The following FGGY variants were observed in gnomAD, a reference collection of about 807,000 sequenced individuals.
FGGY encodes FGGY carbohydrate kinase domain containing, also known as FGGY carbohydrate kinase domain-containing protein.
Under a neutral mutation model 71.3 loss-of-function variants are expected in FGGY, and 72 were observed. The ratio of observed to expected loss-of-function variants is 1.01; its 90% CI spans 0.84 to 1.23. FGGY has a LOEUF of 1.23. FGGY is among the 50% of genes most tolerant of loss of function. The pLI, the probability that FGGY is intolerant of heterozygous loss-of-function variation, is 0.00. For missense variants in FGGY, 668 were observed against 682.3 expected (o/e 0.98, Z 0.23); for synonymous variants, 251 against 250.3 (o/e 1.00, Z -0.02).
Position 59,346,293 on chromosome 1 carries a change from C to T in FGGY, c.360C>T (p.Val120=). 6.2e-7 allele frequency: 1 copy of T among 1,612,684 alleles called. No individual in the cohort carries two copies. The highest frequency in any genetic ancestry group is 8.5e-7 in the Non-Finnish European group (1 of 1,179,756). ...TCATGTGGCTGGACCATCGAGCAGT[C>T]AGTCAAGTTAACAGGATCAATGAGA... is the stretch of plus-strand genomic sequence containing the variant. The part of the protein sequence containing the change: ...NVIMWLDHRA[V]SQVNRINETK... The change falls in exon 4 of 16, where the codon GTC becomes GTT. Residue 120 remains valine, a synonymous_variant. Coordinates refer to ENST00000303721, the MANE Select transcript of FGGY (RefSeq NM_018291.5).
At chr1:59,457,436 C>T (rs2091818773) in intron 6 of FGGY, among the ~76,000 whole-genome samples, 1 of 152,110 alleles carries the variant, frequency 6.6e-6, no homozygotes, top group South Asian at 2.1e-4. Context: ...ATGGTAAAAC[C>T]CCATTTCTAC....
chr1:59,521,416 C>T (rs764044728), intron 7 of FGGY, among the ~76,000 whole-genome samples: 2 of 152,264 alleles, frequency 1.3e-5, no homozygotes, highest in Non-Finnish European at 2.9e-5. Context: ...CAGACTTTGA[C>T]TCTGTGGAAG....
At chr1:59,388,868 ACTAT>A (rs1232216714) in intron 5 of FGGY, among the ~76,000 whole-genome samples, 4 of 152,184 alleles carry the variant, frequency 2.6e-5, no homozygotes, top group South Asian at 4.1e-4. Flanking sequence ...AGTCATTACC[ACTAT>A]CTATTTCTAA....
In FGGY at chr1:59,541,937, G is replaced by T. The variant is rs529870073; in HGVS notation, c.800-12187G>T. 7.9e-5 allele frequency among the ~76,000 whole-genome samples: 12 copies of T among 152,280 alleles called. No homozygotes were observed. The South Asian group carries it at 1.5e-3, about 18-fold the overall frequency. On this transcript the variant is annotated intron_variant, in intron 7 of 15. Transcript: ENST00000303721. Reference sequence around the variant, plus strand: ...CAAAATGGGCATCATCATAGCAGTTGTAAGAATTAAATAAGTTAATTTACC... The same window carrying T: ...CAAAATGGGCATCATCATAGCAGTTTTAAGAATTAAATAAGTTAATTTACC...
chr1:59,407,992 G>C (rs530711441), intron 5 of FGGY, among the ~76,000 whole-genome samples: 1 of 152,166 alleles, frequency 6.6e-6, no homozygotes, highest in Non-Finnish European at 1.5e-5. Context: ...CTTTGCTGTG[G>C]TATTTTGTTT....
At chr1:59,576,887 C>A (rs1378606133) in intron 8 of FGGY, among the ~76,000 whole-genome samples, 1 of 152,200 alleles carries the variant, frequency 6.6e-6, no homozygotes, top group East Asian at 1.9e-4. Flanking sequence ...ACCATTGTAT[C>A]CTTACTCTGA....
At chr1:59,472,823 T>A (rs779912360) in intron 6 of FGGY, among the ~76,000 whole-genome samples, 6 of 148,822 alleles carry the variant, frequency 4.0e-5, no homozygotes, top group Admixed American at 6.7e-5. Flanking sequence ...ACCAATCGGC[T>A]CTCTGTATCT....
At chr1:59,539,894 A>T (rs1418690711) in intron 7 of FGGY, among the ~76,000 whole-genome samples, 1 of 152,258 alleles carries the variant, frequency 6.6e-6, no homozygotes, top group East Asian at 1.9e-4. Flanking sequence ...CTACACATTA[A>T]TGAGAAAAGA....
chr1:59,716,586 G>A (rs2097847639), intron 14 of FGGY, among the ~76,000 whole-genome samples: 1 of 152,174 alleles, frequency 6.6e-6, no homozygotes, highest in African/African-American at 2.4e-5. Flanking sequence ...AATCTCAGTG[G>A]CTGCTTGAGA....
At chr1:59,548,823 TATTAGC>T (rs1482216246) in intron 7 of FGGY, among the ~76,000 whole-genome samples, 3 of 152,208 alleles carry the variant, frequency 2.0e-5, no homozygotes, top group Non-Finnish European at 4.4e-5. Context: ...AGAATGCTCT[TATTAGC>T]ACTGTTATGG....
chr1:59,732,621 G>A (rs994421560), intron 14 of FGGY, among the ~76,000 whole-genome samples: 2 of 151,932 alleles, frequency 1.3e-5, no homozygotes, highest in Non-Finnish European at 1.5e-5. Flanking sequence ...TGAGAGAAAA[G>A]GGGGGTCAGA....
Position 59,586,485 on chromosome 1 carries a change from C to T in FGGY, c.904-21318C>T, listed in dbSNP as rs185058631. ...GAACACATGGACACAGGAAGGGGAA[C>T]ATCACACACCGGGGCCTGTGGTGGG... On this transcript the variant is annotated intron_variant, in intron 8 of 15. Transcript: ENST00000303721. Among the ~76,000 whole-genome samples, 1,027 of 151,934 alleles carry T rather than the reference C, an allele frequency of 6.8e-3. 8 individuals are homozygous for T. Among genetic ancestry groups the T allele is most frequent in the African/African-American group, 0.023 (959 of 41,446 alleles).
At chr1:59,356,303 TC>T (rs2054299026) in intron 4 of FGGY, among the ~76,000 whole-genome samples, 1 of 152,212 alleles carries the variant, frequency 6.6e-6, no homozygotes, top group Non-Finnish European at 1.5e-5. Flanking sequence ...TCCAGGGCTC[TC>T]ATGATTCCAT....
chr1:59,664,375 G>C (rs1045417175), intron 12 of FGGY, among the ~76,000 whole-genome samples: 1 of 152,186 alleles, frequency 6.6e-6, no homozygotes, highest in Non-Finnish European at 1.5e-5. Context: ...AATTCCAGCC[G>C]ACAATACCAC....
intron 14 of FGGY, among the ~76,000 whole-genome samples, chr1:59,721,360 A>G (rs1356134141): frequency 1.6e-5 from 1 of 61,448 alleles, no homozygotes; most frequent in Non-Finnish European, 2.8e-5. Flanking sequence ...TTTTTTTGAG[A>G]CGGAGTCTTG....
intron 12 of FGGY, among the ~76,000 whole-genome samples, chr1:59,662,139 G>T (rs527928453): frequency 6.7e-6 from 1 of 150,366 alleles, no homozygotes; most frequent in Non-Finnish European, 1.5e-5. Flanking sequence ...GGCTAACATG[G>T]TGAAACCCTG....
At chr1:59,634,149 A>G (rs929501227) in intron 10 of FGGY, among the ~76,000 whole-genome samples, 1 of 152,162 alleles carries the variant, frequency 6.6e-6, no homozygotes, top group African/African-American at 2.4e-5. Context: ...GCTCACACCT[A>G]TAATCCCAGC....
intron 9 of FGGY, among the ~76,000 whole-genome samples, chr1:59,612,472 G>T (rs944491032): frequency 6.6e-6 from 1 of 152,116 alleles, no homozygotes; most frequent in Non-Finnish European, 1.5e-5. Context: ...CACCAGGCCT[G>T]CCCTAAAAGA....
intron 10 of FGGY, among the ~76,000 whole-genome samples, chr1:59,628,261 G>A (rs751840455): frequency 6.6e-5 from 10 of 152,136 alleles, no homozygotes; most frequent in East Asian, 3.8e-4. Flanking sequence ...ATGAGGCACC[G>A]ATAAAGATAC....
Sources: gnomAD v4.1 joint callset for allele counts (sites outside exome capture counted in the v4.1 genomes callset) on GRCh38, gnomAD v4.1.1 for gene constraint, MANE v1.5 for transcripts, NCBI Gene and HGNC (gene_info 2026-07-23, HGNC 2026-07-21) for gene names.